Variants in PUDP observed in about 807,000 individuals in gnomAD.
PUDP encodes pseudouridine 5'-phosphatase.
A neutral mutation model predicts 9.4 loss-of-function variants in PUDP; 8 were observed. The observed-to-expected ratio is 0.85, with a 90% confidence interval of 0.50 to 1.53. The LOEUF (loss-of-function observed/expected upper bound fraction) is 1.53. Ranked by LOEUF, PUDP falls within the 40% of genes most tolerant of loss-of-function variation. The pLI, the probability that PUDP is intolerant of heterozygous loss-of-function variation, is 0.00. For missense variants in PUDP, 188 were observed against 189.7 expected, an observed-to-expected ratio of 0.99 and a Z score of 0.05; for synonymous variants, 99 against 80.7, an observed-to-expected ratio of 1.23 and a Z score of -1.22.
chrX:7,001,397 T>C (rs775688350), intron 1 of PUDP, among the ~76,000 whole-genome samples: 1 of 111,473 alleles, frequency 9.0e-6, no homozygotes, highest in South Asian at 3.7e-4. Flanking sequence ...TTAATTTCAG[T>C]CAAATGCCAA....
At chrX:7,028,660 C>T (rs1929751009) in intron 1 of PUDP, among the ~76,000 whole-genome samples, 1 of 111,834 alleles carries the variant, frequency 8.9e-6, no homozygotes, top group African/African-American at 3.2e-5. Flanking sequence ...AAAGGTACTC[C>T]GCTTGGCCAG....
intron 3 of PUDP, among the ~76,000 whole-genome samples, chrX:6,748,547 T>C (rs1472359697): frequency 1.8e-5 from 2 of 111,358 alleles, no homozygotes; most frequent in African/African-American, 6.5e-5. Context: ...GAGGAGAGCA[T>C]GCTGTTTGAA....
At position 6,837,738 on chromosome X, in the gene PUDP, G is replaced by A. The variant is rs138538564; in HGVS notation, c.*248-131272C>T. ...GTTGAACAAGTATGTACACTGATGC[G>A]CAACCCATCTGTAGTTCTCATTGGA... On this transcript the variant is annotated intron_variant and NMD_transcript_variant, in intron 3 of 3. Coordinates refer to the PUDP transcript ENST00000655425. Among the ~76,000 whole-genome samples, 93 of 111,640 alleles carry A rather than the reference G, an allele frequency of 8.3e-4. No individual in the cohort carries two copies. In the East Asian group the frequency reaches 0.024, roughly 28 times the overall value.
intron 3 of PUDP, among the ~76,000 whole-genome samples, chrX:6,939,320 A>T (rs1345251820): frequency 1.9e-5 from 2 of 107,051 alleles, no homozygotes; most frequent in East Asian, 2.8e-4. Flanking sequence ...CTATTTAATA[A>T]TTATTTAATA....
chrX:6,883,904 G>A (rs985856827), intron 3 of PUDP, among the ~76,000 whole-genome samples: 1 of 111,445 alleles, frequency 9.0e-6, no homozygotes, highest in East Asian at 2.8e-4. Flanking sequence ...GCAGCGGCAC[G>A]ATCTCGGCTC....
chrX:6,898,835 C>T (rs1927630762), intron 3 of PUDP, among the ~76,000 whole-genome samples: 1 of 112,185 alleles, frequency 8.9e-6, no homozygotes, highest in African/African-American at 3.2e-5. Context: ...GGCAAGAACA[C>T]TGAAAGGAGG....
chrX:6,719,481 G>A (rs1924636676), intron 1 of PUDP, among the ~76,000 whole-genome samples: 1 of 112,362 alleles, frequency 8.9e-6, no homozygotes. Flanking sequence ...CAGAAACTGT[G>A]AGATAGCAAA....
At chrX:7,147,944 A>G (rs764546892) in intron 1 of PUDP, 109 bp downstream of exon 1, 90 of 625,431 alleles carry the variant, frequency 1.4e-4, no homozygotes, top group Non-Finnish European at 1.8e-4. Context: ...GCGTCCCTGC[A>G]TGAACACCGC....
chrX:6,824,357 A>AT (rs1458433158), intron 3 of PUDP, among the ~76,000 whole-genome samples: 1 of 111,714 alleles, frequency 9.0e-6, no homozygotes, highest in African/African-American at 3.3e-5. Context: ...TCCTTTATAA[A>AT]TTACCCAGTT....
At chrX:7,003,061 T>C (rs1400233382) in intron 1 of PUDP, among the ~76,000 whole-genome samples, 1 of 111,962 alleles carries the variant, frequency 8.9e-6, no homozygotes, top group Non-Finnish European at 1.9e-5. Context: ...TTTTGAAGTA[T>C]TGGCTATTAT....
chrX:6,770,474 GT>G (rs1461931048), intron 3 of PUDP, among the ~76,000 whole-genome samples: 4 of 112,130 alleles, frequency 3.6e-5, no homozygotes, highest in Non-Finnish European at 7.5e-5. Context: ...AGAAGCCTTG[GT>G]TTTTTTGTTT....
At chrX:7,098,035 T>C (rs1931623043) in intron 2 of PUDP, among the ~76,000 whole-genome samples, 1 of 110,839 alleles carries the variant, frequency 9.0e-6, no homozygotes, top group Non-Finnish European at 1.9e-5. Flanking sequence ...ACGACCTTAC[T>C]AACTCCTCAA....
At chrX:6,724,177 T>C (rs1456973612), upstream of PUDP, among the ~76,000 whole-genome samples, 1 of 111,328 alleles carries the variant, frequency 9.0e-6, no homozygotes, top group African/African-American at 3.3e-5. Flanking sequence ...TAATGTGCAA[T>C]AATGTCAAAA....
intron 3 of PUDP, among the ~76,000 whole-genome samples, chrX:6,972,211 C>A (rs985308735): frequency 1.8e-5 from 2 of 111,679 alleles, no homozygotes; most frequent in East Asian, 2.8e-4. Context: ...CTTTCTCTTG[C>A]CTGATTGCCC....
intron 3 of PUDP, among the ~76,000 whole-genome samples, chrX:6,733,292 G>C (rs1455896706): frequency 2.7e-5 from 3 of 111,786 alleles, no homozygotes; most frequent in East Asian, 2.8e-4. Context: ...GGCACGCTTC[G>C]TCCCGGTGAA....
At chrX:6,923,066 G>A (rs1341133219) in intron 3 of PUDP, among the ~76,000 whole-genome samples, 2 of 111,610 alleles carry the variant, frequency 1.8e-5, no homozygotes, top group East Asian at 5.7e-4. Flanking sequence ...TAAATCCAAT[G>A]GTTATTTCTC....
chrX:7,076,266 T>A (rs1930897348), intron 3 of PUDP, among the ~76,000 whole-genome samples: 1 of 111,828 alleles, frequency 8.9e-6, no homozygotes, highest in Non-Finnish European at 1.9e-5. Context: ...TAATGAGAGG[T>A]GAGGCCTGAA....
At chrX:7,107,355 C>T (rs1389965301) in intron 1 of PUDP, among the ~76,000 whole-genome samples, 1 of 112,076 alleles carries the variant, frequency 8.9e-6, no homozygotes, top group African/African-American at 3.2e-5. Context: ...TCTGGGAGAC[C>T]CAGGACACAC....
chrX:7,147,173 T>A (rs933509062), intron 1 of PUDP, among the ~76,000 whole-genome samples: 2 of 110,686 alleles, frequency 1.8e-5, no homozygotes, highest in Admixed American at 1.9e-4. Flanking sequence ...TGCCTCGGAT[T>A]GATAGAGCAG....
Sources: gnomAD v4.1 joint callset for allele counts (sites outside exome capture counted in the v4.1 genomes callset) on GRCh38, gnomAD v4.1.1 for gene constraint, MANE v1.5 for transcripts, NCBI Gene and HGNC (gene_info 2026-07-23, HGNC 2026-07-21) for gene names.